SANBR: variants seen among roughly 807,000 people sequenced by gnomAD.
The protein encoded by SANBR is SANT and BTB domain regulator of class switch recombination.
Under a neutral mutation model 101.8 loss-of-function variants are expected in SANBR, and 77 were observed. The ratio of observed to expected loss-of-function variants is 0.76; its 90% CI spans 0.63 to 0.91. The LOEUF (loss-of-function observed/expected upper bound fraction) is 0.91. Ranked by LOEUF, SANBR falls within the 40% of genes least tolerant of loss-of-function variation. The probability of loss-of-function intolerance (pLI) is 0.00; values close to 1 mark genes in which losing one functional copy is unlikely to be tolerated. For missense variants in SANBR, 875 were observed against 853.0 expected (o/e 1.03, Z -0.32); for synonymous variants, 279 against 274.7 (o/e 1.02, Z -0.15).
At chr2:61,109,086 A>G in intron 15 of SANBR, 111 bp from the exon 16 acceptor site, 1 of 484,404 alleles carries the variant, frequency 2.1e-6, no homozygotes, top group Non-Finnish European at 3.6e-6. Context: ...AGGTTATTTT[A>G]TCAGCTCTTG....
chr2:61,070,838 A>G (rs891845687), intron 3 of SANBR, among the ~76,000 whole-genome samples: 8 of 150,954 alleles, frequency 5.3e-5, no homozygotes, highest in Non-Finnish European at 8.8e-5. Flanking sequence ...CAGTGGTGCC[A>G]TCATGGCTCA....
intron 13 of SANBR, among the ~76,000 whole-genome samples, chr2:61,104,843 C>T (rs1217250381): frequency 2.0e-5 from 3 of 150,494 alleles, no homozygotes; most frequent in African/African-American, 7.4e-5. Context: ...CCGAGGCAGG[C>T]GGATCACTTG....
chr2:61,077,145 G>A lies in SANBR; in HGVS notation c.657G>A (p.Glu219=), dbSNP rs776752192. The A allele has an allele frequency of 1.1e-5, 18 of 1,599,218 alleles. No homozygotes were observed. The highest frequency in any genetic ancestry group is 1.7e-4 in the Middle Eastern group (1 of 6,050). The change falls in exon 6 of 22, where the codon GAG becomes GAA. Residue 219 remains glutamate, a synonymous_variant. Transcript: ENST00000402291. ...ACACTAAGGAGAATAAAGATTGTGA[G>A]ATGCCCACTTTAGGTAAAAAACAAT... ...KRNTKENKDC[E]MPTLEPGNVI... is the part of the protein sequence containing the mutation.
chr2:61,096,077 CT>C (rs1683016585), intron 11 of SANBR, among the ~76,000 whole-genome samples: 1 of 152,120 alleles, frequency 6.6e-6, no homozygotes, highest in African/African-American at 2.4e-5. Context: ...TTCTTACAAA[CT>C]TTCTACCTCC....
intron 6 of SANBR, among the ~76,000 whole-genome samples, chr2:61,080,196 CAAAAAAA>C (rs57117097): frequency 8.8e-6 from 1 of 113,246 alleles, no homozygotes; most frequent in East Asian, 2.8e-4. Flanking sequence ...AACTTTGTCT[CAAAAAAA>C]AAAAAAAAAA....
chr2:61,134,068 C>T, intron 20 of SANBR: 1 of 1,585,686 alleles, frequency 6.3e-7, no homozygotes, highest in Middle Eastern at 1.7e-4. Context: ...TGTTTAATCT[C>T]TTCTTGTGTT....
At chr2:61,092,805 A>G (rs946952079) in intron 11 of SANBR, among the ~76,000 whole-genome samples, 1 of 152,132 alleles carries the variant, frequency 6.6e-6, no homozygotes, top group South Asian at 2.1e-4. Context: ...GTTCAATACC[A>G]GCCTGGGTGA....
intron 6 of SANBR, 41 bp from the exon 7 acceptor site, chr2:61,081,411 G>T (rs1377584548): frequency 1.9e-6 from 3 of 1,551,962 alleles, no homozygotes; most frequent in Non-Finnish European, 2.6e-6. Context: ...GGAGATTGGG[G>T]TACCCATCAA....
intron 16 of SANBR, among the ~76,000 whole-genome samples, chr2:61,110,535 C>T (rs529891281): frequency 3.9e-5 from 6 of 152,156 alleles, no homozygotes; most frequent in Admixed American, 6.5e-5. Flanking sequence ...AAAAATTAGC[C>T]GGGCATAATG....
chr2:61,086,630 G>A (rs185808614), intron 8 of SANBR, among the ~76,000 whole-genome samples: 70 of 152,256 alleles, frequency 4.6e-4, no homozygotes, highest in African/African-American at 1.6e-3. Context: ...GTAAGATGGG[G>A]ACAGAAATGT....
rs895606335 is a variant in SANBR, at chr2:61,124,148, T to G, written c.*1986T>G. The G allele has an allele frequency of 2.0e-6, 2 of 981,724 alleles. No homozygotes were observed. Among genetic ancestry groups the G allele is most frequent in the South Asian group, 9.4e-5 (2 of 21,210 alleles). The allele number at this position is 981,724 out of a possible 1,614,324, so 60.8% of individuals were successfully genotyped here. On this transcript the variant is annotated 3_prime_UTR_variant, in exon 22 of 22. Coordinates refer to ENST00000402291, the MANE Select transcript of SANBR (RefSeq NM_001129993.3). ...TAATTTTGTTAATGTTTGTCTGTTA[T>G]ACATAGCACTGGTACCGCAAACATT...
At chr2:61,137,277 C>T (rs1174586044) in intron 21 of SANBR, among the ~76,000 whole-genome samples, 1 of 151,698 alleles carries the variant, frequency 6.6e-6, no homozygotes, top group East Asian at 1.9e-4. Context: ...AGAACGAGAC[C>T]CTGTCTAAAT....
intron 6 of SANBR, among the ~76,000 whole-genome samples, chr2:61,080,217 A>G (rs1407302230): frequency 6.9e-6 from 1 of 144,350 alleles, no homozygotes; most frequent in African/African-American, 2.6e-5. Flanking sequence ...AAAAAAAAGC[A>G]GCAAAGCTAG....
rs575513176 is a variant in SANBR, at chr2:61,123,197, A to C, written c.*1035A>C. On this transcript the variant is annotated 3_prime_UTR_variant, in exon 22 of 22. Coordinates refer to ENST00000402291, the MANE Select transcript of SANBR (RefSeq NM_001129993.3). ...CCATATAATAAATTATGTGTTTGTA[A>C]ATTATATGTAGGTCTCTGAAAAACT... is the stretch of plus-strand genomic sequence containing the variant. The C allele has an allele frequency of 3.1e-5, 30 of 978,114 alleles. 1 individual carries two copies. In the South Asian group the frequency reaches 1.2e-3, roughly 39 times the overall value. The allele number at this position is 978,114 out of a possible 1,614,324, so 60.6% of individuals were successfully genotyped here.
chr2:61,097,324 A>G (rs977676953), intron 11 of SANBR, among the ~76,000 whole-genome samples: 1 of 152,170 alleles, frequency 6.6e-6, no homozygotes, highest in Non-Finnish European at 1.5e-5. Flanking sequence ...AGCTTTATTC[A>G]AGTAGAATTA....
chr2:61,125,102 G>T (rs2104981122), downstream of SANBR, among the ~76,000 whole-genome samples: 1 of 152,270 alleles, frequency 6.6e-6, no homozygotes, highest in South Asian at 2.1e-4. Context: ...CCTATTTAAA[G>T]CTGATCTATT....
At chr2:61,095,973 G>GC (rs1481135008) in intron 11 of SANBR, among the ~76,000 whole-genome samples, 1 of 151,882 alleles carries the variant, frequency 6.6e-6, no homozygotes, top group Non-Finnish European at 1.5e-5. Context: ...CAGTGGTACT[G>GC]CCCCCTCTTA....
At chr2:61,074,731 G>A (rs1368366973) in intron 5 of SANBR, among the ~76,000 whole-genome samples, 1 of 152,034 alleles carries the variant, frequency 6.6e-6, no homozygotes, top group East Asian at 1.9e-4. Flanking sequence ...TAACTGATTG[G>A]TTGGTTTGTG....
intron 11 of SANBR, among the ~76,000 whole-genome samples, chr2:61,093,119 C>A (rs1289933126): frequency 6.6e-6 from 1 of 151,434 alleles, no homozygotes; most frequent in African/African-American, 2.4e-5. Flanking sequence ...GGTGACAGAG[C>A]AAGACTCCAT....
Sources: allele counts gnomAD v4.1 joint callset (sites outside exome capture counted in the v4.1 genomes callset), GRCh38; gene constraint gnomAD v4.1.1; transcripts MANE v1.5; gene names NCBI Gene and HGNC (gene_info 2026-07-23, HGNC 2026-07-21).